The following CSMD1 variants were observed in gnomAD, a reference collection of about 807,000 sequenced individuals.
CSMD1 encodes CUB and Sushi multiple domains 1.
Under a neutral mutation model 417.5 loss-of-function variants are expected in CSMD1, and 213 were observed. That is an observed-to-expected ratio of 0.51 (90% confidence interval 0.46 to 0.57). CSMD1 has a LOEUF of 0.57. Among genes scored for constraint, CSMD1 ranks in the 20% least tolerant of loss-of-function variants. The pLI is 0.00. For synonymous variants in CSMD1, 2,862 were observed against 1,736.8 expected (o/e 1.65, Z -16.11); for missense variants, 6,923 against 4,529.7 (o/e 1.53, Z -15.17).
At chr8:4,386,679 T>C (rs999377111) in intron 3 of CSMD1, among the ~76,000 whole-genome samples, 1 of 152,218 alleles carries the variant, frequency 6.6e-6, no homozygotes, top group Non-Finnish European at 1.5e-5. Flanking sequence ...TGATGAGCCC[T>C]TGCAGAATGT....
At chr8:4,962,623 C>G (rs1475646229) in intron 1 of CSMD1, among the ~76,000 whole-genome samples, 1 of 152,138 alleles carries the variant, frequency 6.6e-6, no homozygotes, top group African/African-American at 2.4e-5. Context: ...GCCAGTATTT[C>G]TAATTTCTCT....
intron 10 of CSMD1, among the ~76,000 whole-genome samples, chr8:3,524,664 CAA>C (rs1296328490): frequency 6.8e-6 from 1 of 147,956 alleles, no homozygotes; most frequent in Non-Finnish European, 1.5e-5. Flanking sequence ...CAGACCCATG[CAA>C]AAACACATGT....
At chr8:3,623,383 C>T (rs767672176) in intron 7 of CSMD1, among the ~76,000 whole-genome samples, 4 of 152,086 alleles carry the variant, frequency 2.6e-5, no homozygotes, top group South Asian at 2.1e-4. Context: ...AGAAGTAGAT[C>T]AGGTGCCATC....
chr8:2,937,234 C>T lies in CSMD1; in HGVS notation c.*1351G>A, dbSNP rs1406675654. ...TTGAAAAGTCACTGAAATTACCTTT[C>T]CATCTGGAATCATAAAGCATGAAAC... On this transcript the variant is annotated 3_prime_UTR_variant, in exon 70 of 70. Coordinates refer to ENST00000635120, the MANE Select transcript of CSMD1 (RefSeq NM_033225.6). 1 of 152,034 alleles carries T rather than the reference C, an allele frequency of 6.6e-6. No homozygotes were observed. Among genetic ancestry groups the T allele is most frequent in the African/African-American group, 2.4e-5 (1 of 41,406 alleles). 9.4% of individuals were successfully genotyped at this position (152,034 alleles called of 1,614,324 possible).
intron 1 of CSMD1, among the ~76,000 whole-genome samples, chr8:4,733,144 T>C (rs1472955357): frequency 6.6e-6 from 1 of 152,208 alleles, no homozygotes; most frequent in Non-Finnish European, 1.5e-5. Flanking sequence ...TTTCCTTCAT[T>C]CATTTATTCA....
intron 5 of CSMD1, among the ~76,000 whole-genome samples, chr8:3,944,154 T>G (rs2129796266): frequency 6.6e-6 from 1 of 152,244 alleles, no homozygotes; most frequent in African/African-American, 2.4e-5. Context: ...TACACAGAAT[T>G]TTTTTACTGT....
intron 42 of CSMD1, among the ~76,000 whole-genome samples, chr8:3,111,105 G>C (rs1028620698): frequency 6.6e-6 from 1 of 152,164 alleles, no homozygotes; most frequent in African/African-American, 2.4e-5. Context: ...ACAGCTAAGA[G>C]GTGTGAGATG....
chr8:4,850,069 T>C (rs1029883295), intron 1 of CSMD1, among the ~76,000 whole-genome samples: 8 of 152,230 alleles, frequency 5.3e-5, no homozygotes, highest in African/African-American at 9.6e-5. Context: ...ATTCTTGCCA[T>C]CCTGGTGGGT....
chr8:3,090,240 C>T (rs549809080), intron 48 of CSMD1, among the ~76,000 whole-genome samples: 4 of 143,988 alleles, frequency 2.8e-5, no homozygotes, highest in Non-Finnish European at 4.5e-5. Flanking sequence ...TGGCCTGAAC[C>T]CGGGAGGCGG....
At chr8:3,462,323 G>A (rs565796779) in intron 12 of CSMD1, among the ~76,000 whole-genome samples, 2 of 152,268 alleles carry the variant, frequency 1.3e-5, no homozygotes, top group East Asian at 3.9e-4. Context: ...TTTAAGGCAA[G>A]GGTTCCCAAC....
At chr8:3,393,983 T>TACAATA (rs1563342098) in intron 17 of CSMD1, among the ~76,000 whole-genome samples, 1 of 11,964 alleles carries the variant, frequency 8.4e-5, no homozygotes, top group African/African-American at 2.3e-4. Flanking sequence ...GAACTTAACG[T>TACAATA]ATAATAATAA....
intron 10 of CSMD1, among the ~76,000 whole-genome samples, chr8:3,530,328 C>T (rs1042127234): frequency 6.6e-6 from 1 of 152,148 alleles, no homozygotes; most frequent in Non-Finnish European, 1.5e-5. Flanking sequence ...GTTTTGGCTG[C>T]ATCCTGTAAG....
chr8:3,294,139 C>T (rs555694919), intron 25 of CSMD1, among the ~76,000 whole-genome samples: 5 of 152,330 alleles, frequency 3.3e-5, no homozygotes, highest in East Asian at 1.9e-4. Flanking sequence ...TGCAGAACAG[C>T]AGATGTTGGT....
intron 3 of CSMD1, among the ~76,000 whole-genome samples, chr8:4,196,620 C>T (rs1283640527): frequency 1.3e-5 from 2 of 152,134 alleles, no homozygotes; most frequent in Admixed American, 6.5e-5. Context: ...TCTTCAAGGC[C>T]AGCAATGCTG....
At chr8:4,749,497 G>A (rs1337705282) in intron 1 of CSMD1, among the ~76,000 whole-genome samples, 1 of 152,166 alleles carries the variant, frequency 6.6e-6, no homozygotes, top group African/African-American at 2.4e-5. Flanking sequence ...CATTAGTGAT[G>A]ACTTGTGGTT....
intron 1 of CSMD1, among the ~76,000 whole-genome samples, chr8:4,719,690 G>C (rs1279794025): frequency 2.0e-5 from 3 of 152,170 alleles, no homozygotes; most frequent in African/African-American, 7.2e-5. Context: ...AAAGTAATTT[G>C]ATTTATGTAT....
At chr8:3,322,755 C>G (rs186077260) in intron 23 of CSMD1, among the ~76,000 whole-genome samples, 1 of 152,114 alleles carries the variant, frequency 6.6e-6, no homozygotes, top group Non-Finnish European at 1.5e-5. Context: ...CACGAGTACC[C>G]GTACTTAACC....
chr8:4,897,836 T>C (rs1804605378), intron 1 of CSMD1, among the ~76,000 whole-genome samples: 1 of 152,178 alleles, frequency 6.6e-6, no homozygotes, highest in Non-Finnish European at 1.5e-5. Context: ...TTTTGTATAA[T>C]GCTAAGAAGA....
chr8:2,987,403 T>G (rs1293008157), intron 54 of CSMD1, among the ~76,000 whole-genome samples: 1 of 148,424 alleles, frequency 6.7e-6, no homozygotes, highest in Non-Finnish European at 1.5e-5. Flanking sequence ...ACAGAAATAT[T>G]TCTTTCTATA....
Sources: allele counts gnomAD v4.1 joint callset (sites outside exome capture counted in the v4.1 genomes callset), GRCh38; gene constraint gnomAD v4.1.1; transcripts MANE v1.5; gene names NCBI Gene and HGNC (gene_info 2026-07-23, HGNC 2026-07-21).